CNTN5: variants seen among roughly 807,000 people sequenced by gnomAD.
The protein encoded by CNTN5 is contactin-5.
CNTN5 carries 77 observed loss-of-function variants against 129.1 expected under a neutral mutation model. The observed-to-expected ratio is 0.60, with a 90% CI of 0.50 to 0.72. The LOEUF is 0.72. Ranked by LOEUF, CNTN5 falls within the 30% of genes least tolerant of loss-of-function variation. CNTN5 has a pLI of 0.00. For synonymous variants in CNTN5, 509 were observed against 465.6 expected (o/e 1.09, Z -1.20); for missense variants, 1,478 against 1,328.8 (o/e 1.11, Z -1.75).
intron 2 of CNTN5, among the ~76,000 whole-genome samples, chr11:99,415,877 A>G (rs1542929): frequency 0.16 from 24,114 of 152,200 alleles, 2,203 homozygotes; most frequent in East Asian, 0.27. Context: ...TGAGTTCCAC[A>G]GAAGTTGAAT....
At chr11:99,063,643 A>G (rs1395170265) in intron 1 of CNTN5, among the ~76,000 whole-genome samples, 1 of 152,146 alleles carries the variant, frequency 6.6e-6, no homozygotes, top group Admixed American at 6.6e-5. Context: ...ATGTTCAACT[A>G]CAAAAGCAAA....
intron 3 of CNTN5, among the ~76,000 whole-genome samples, chr11:99,580,793 A>G (rs1421693481): frequency 7.8e-6 from 1 of 128,862 alleles, no homozygotes; most frequent in Admixed American, 8.0e-5. Flanking sequence ...TCCTGGATTC[A>G]TTGATTTTTT....
In CNTN5 at chr11:99,742,241, T is replaced by C. The variant is rs189330823; in HGVS notation, c.56-77303T>C. On this transcript the variant is annotated intron_variant, in intron 3 of 24. Coordinates refer to ENST00000524871, the MANE Select transcript of CNTN5 (RefSeq NM_014361.4). ...AAGTCAGTTTAAATTCTAAGTTCAC[T>C]GATTCTGTGTTCTCTCCTGCAAAAA... Among the ~76,000 whole-genome samples the C allele has an allele frequency of 2.8e-3, 422 of 152,290 alleles. 2 individuals carry two copies. Among genetic ancestry groups the C allele is most frequent in the African/African-American group, 9.4e-3 (390 of 41,568 alleles).
intron 24 of CNTN5, among the ~76,000 whole-genome samples, chr11:100,353,819 C>T (rs1464052070): frequency 1.3e-5 from 2 of 151,254 alleles, no homozygotes; most frequent in African/African-American, 4.8e-5. Context: ...TGTGTGCACG[C>T]CCATGTGTGT....
intron 13 of CNTN5, among the ~76,000 whole-genome samples, chr11:100,117,930 C>T (rs887057587): frequency 1.3e-5 from 2 of 151,764 alleles, no homozygotes; most frequent in African/African-American, 4.8e-5. Flanking sequence ...ATAGGAGAAC[C>T]TGACTTACTC....
At chr11:99,364,486 G>T (rs1226695722) in intron 2 of CNTN5, among the ~76,000 whole-genome samples, 4 of 152,012 alleles carry the variant, frequency 2.6e-5, no homozygotes, top group African/African-American at 4.8e-5. Flanking sequence ...CTAAAATTTG[G>T]TCAGGGGAAA....
intron 1 of CNTN5, among the ~76,000 whole-genome samples, chr11:99,256,963 T>C (rs1328903142): frequency 6.6e-6 from 1 of 152,094 alleles, no homozygotes; most frequent in Non-Finnish European, 1.5e-5. Context: ...GTAATGACAT[T>C]ATGATGGTGC....
chr11:99,475,386 T>C (rs1945332343), intron 2 of CNTN5, among the ~76,000 whole-genome samples: 2 of 152,188 alleles, frequency 1.3e-5, no homozygotes, highest in Non-Finnish European at 2.9e-5. Flanking sequence ...TAAAAATTAC[T>C]CAGTTCCAGG....
chr11:99,204,770 C>T (rs915107869), intron 1 of CNTN5, among the ~76,000 whole-genome samples: 2 of 152,176 alleles, frequency 1.3e-5, no homozygotes, highest in African/African-American at 4.8e-5. Context: ...AGCTCTGCAA[C>T]AGCATGAATA....
Position 99,945,491 on chromosome 11 carries a change from T to TGC in CNTN5, c.674-11314_674-11313insCG, listed in dbSNP as rs1407347959. 1.2e-4 allele frequency among the ~76,000 whole-genome samples: 10 copies of TGC among 86,552 alleles called. No homozygotes were observed. The East Asian group carries it at 3.9e-3, about 34-fold the overall frequency. 56.8% of individuals were successfully genotyped at this position (86,552 alleles called of 152,430 possible). On this transcript the variant is annotated intron_variant, in intron 7 of 24. Transcript: ENST00000524871. ...TAGCAAAAAATAAAACCTCTGTGCG[T>TGC]GTGTGTGTGTGTGTGTGTGTGTGTG...
intron 3 of CNTN5, among the ~76,000 whole-genome samples, chr11:99,773,258 G>C (rs1348838133): frequency 6.6e-6 from 1 of 151,946 alleles, no homozygotes; most frequent in African/African-American, 2.4e-5. Context: ...GAAAATTCTA[G>C]GTATCCATGT....
At chr11:100,074,455 A>G (rs1345202207) in intron 13 of CNTN5, 161 bp downstream of exon 13, 17 of 590,822 alleles carry the variant, frequency 2.9e-5, no homozygotes, top group Admixed American at 2.7e-4. Context: ...AAAAGAACCC[A>G]AAGTTTGACT....
rs569129719 is a variant in CNTN5 at position 100,046,588 on chromosome 11, G to T, written c.981-14624G>T. On this transcript the variant is annotated intron_variant, in intron 9 of 24. Transcript: ENST00000524871. ...TTTCTCCATAGTGTTCAAGGTAATTGTAATTTATTTATTTTATCTAATAAA... is the reference window on the plus strand; with the variant it reads ...TTTCTCCATAGTGTTCAAGGTAATTTTAATTTATTTATTTTATCTAATAAA... Among the ~76,000 whole-genome samples the T allele has an allele frequency of 5.3e-5, 8 of 151,934 alleles. No homozygotes were observed. The South Asian group carries it at 1.7e-3, about 32-fold the overall frequency.
At chr11:100,071,059 T>G (rs1033434107) in intron 11 of CNTN5, among the ~76,000 whole-genome samples, 1 of 152,184 alleles carries the variant, frequency 6.6e-6, no homozygotes. Context: ...ATTTAAAATT[T>G]AAATTTGTTT....
At chr11:100,109,229 C>A (rs950058505) in intron 13 of CNTN5, among the ~76,000 whole-genome samples, 1 of 152,180 alleles carries the variant, frequency 6.6e-6, no homozygotes, top group Non-Finnish European at 1.5e-5. Context: ...CATTCGAGAC[C>A]AGCCTGGCCA....
chr11:100,211,208 C>T (rs566459141), intron 15 of CNTN5, among the ~76,000 whole-genome samples: 19 of 152,118 alleles, frequency 1.2e-4, no homozygotes, highest in South Asian at 1.0e-3. Flanking sequence ...GTGGGTGATG[C>T]CCACCAGTAG....
At chr11:100,055,904 T>C (rs573528812) in intron 9 of CNTN5, among the ~76,000 whole-genome samples, 1 of 151,508 alleles carries the variant, frequency 6.6e-6, no homozygotes, top group Non-Finnish European at 1.5e-5. Flanking sequence ...TTATCTTAGA[T>C]TGGACTTACA....
intron 7 of CNTN5, among the ~76,000 whole-genome samples, chr11:99,923,043 T>G (rs922630323): frequency 6.6e-6 from 1 of 152,302 alleles, no homozygotes; most frequent in South Asian, 2.1e-4. Flanking sequence ...AGTTTACACA[T>G]CAGAGAATAT....
intron 6 of CNTN5, among the ~76,000 whole-genome samples, chr11:99,847,214 T>G (rs1329631307): frequency 6.6e-6 from 1 of 152,234 alleles, no homozygotes; most frequent in East Asian, 1.9e-4. Flanking sequence ...TTTTTCTGCA[T>G]GCGTTTAGAG....
Sources: allele counts gnomAD v4.1 joint callset (sites outside exome capture counted in the v4.1 genomes callset), GRCh38; gene constraint gnomAD v4.1.1; transcripts MANE v1.5; gene names NCBI Gene and HGNC (gene_info 2026-07-23, HGNC 2026-07-21).